Variants in DUS2 observed in about 807,000 individuals in gnomAD.
DUS2 encodes the protein tRNA-dihydrouridine(20) synthase [NAD(P)+]-like.
DUS2 carries 52 observed loss-of-function variants against 71.3 expected under a neutral mutation model. The ratio of observed to expected loss-of-function variants is 0.73; its 90% CI spans 0.58 to 0.92. The LOEUF is 0.92. DUS2 is among the 40% of genes least tolerant of loss of function. DUS2 has a pLI of 0.00. For synonymous variants in DUS2, 204 were observed against 227.8 expected (o/e 0.90, Z 0.94); for missense variants, 558 against 622.6 (o/e 0.90, Z 1.10).
chr16:68,077,138 C>T (rs1357467411), intron 15 of DUS2, among the ~76,000 whole-genome samples: 4 of 151,718 alleles, frequency 2.6e-5, no homozygotes, highest in African/African-American at 9.7e-5. Context: ...CCTGTAATCC[C>T]AGCTACTTGG....
intron 3 of DUS2, among the ~76,000 whole-genome samples, chr16:68,038,351 A>C (rs2033565791): frequency 6.6e-6 from 1 of 152,152 alleles, no homozygotes; most frequent in Non-Finnish European, 1.5e-5. Context: ...GTAGCACAGA[A>C]GCGTTCTGGG....
intron 11 of DUS2, 101 bp downstream of exon 11, chr16:68,070,321 G>T: frequency 1.8e-6 from 2 of 1,118,008 alleles, no homozygotes; most frequent in Non-Finnish European, 2.7e-6. Flanking sequence ...TTTAGGGGTG[G>T]CTTGAAAAGG....
intron 8 of DUS2, among the ~76,000 whole-genome samples, chr16:68,064,081 T>C (rs2033975010): frequency 6.6e-6 from 1 of 152,216 alleles, no homozygotes; most frequent in African/African-American, 2.4e-5. Flanking sequence ...GTCTCAGTGC[T>C]TTCCAGGCCT....
At chr16:68,034,266 T>C (rs1239911908) in intron 2 of DUS2, among the ~76,000 whole-genome samples, 1 of 152,142 alleles carries the variant, frequency 6.6e-6, no homozygotes, top group Non-Finnish European at 1.5e-5. Context: ...GGTCTTGCCA[T>C]GTTACCCAGG....
intron 2 of DUS2, among the ~76,000 whole-genome samples, chr16:68,035,682 C>T (rs1355760809): frequency 6.7e-6 from 1 of 149,284 alleles, no homozygotes; most frequent in African/African-American, 2.5e-5. Flanking sequence ...AGCCACCGTG[C>T]CTGGTCTCTC....
chr16:68,038,250 T>C (rs2151413610), intron 3 of DUS2, 101 bp downstream of exon 3: 1 of 1,515,608 alleles, frequency 6.6e-7, no homozygotes, highest in Non-Finnish European at 8.9e-7. Context: ...AGAATGGGAA[T>C]TGACTTTATA....
chr16:68,052,076 T>C (rs1288071131), intron 4 of DUS2, among the ~76,000 whole-genome samples: 1 of 151,958 alleles, frequency 6.6e-6, no homozygotes, highest in Non-Finnish European at 1.5e-5. Context: ...TTTTTTTTTT[T>C]GTATTTTAGT....
At chr16:68,035,683 C>T (rs914106056) in intron 2 of DUS2, among the ~76,000 whole-genome samples, 1 of 148,618 alleles carries the variant, frequency 6.7e-6, no homozygotes, top group East Asian at 1.9e-4. Flanking sequence ...GCCACCGTGC[C>T]TGGTCTCTCT....
intron 2 of DUS2, among the ~76,000 whole-genome samples, chr16:68,029,695 C>T (rs1432640710): frequency 6.6e-6 from 1 of 152,098 alleles, no homozygotes; most frequent in Non-Finnish European, 1.5e-5. Flanking sequence ...AATCTGCCCA[C>T]CTTGGCCTCC....
intron 13 of DUS2, among the ~76,000 whole-genome samples, chr16:68,074,563 C>T (rs1233368386): frequency 2.0e-5 from 3 of 152,184 alleles, no homozygotes; most frequent in South Asian, 4.1e-4. Context: ...TCAGGTGCAG[C>T]TCTAGCTCAG....
At chr16:68,057,880 C>CAAAA (rs5817628) in intron 7 of DUS2, among the ~76,000 whole-genome samples, 1 of 92,150 alleles carries the variant, frequency 1.1e-5, no homozygotes, top group Admixed American at 1.1e-4. Context: ...AAATCTGTCT[C>CAAAA]AAAAAAAAAA....
intron 3 of DUS2, among the ~76,000 whole-genome samples, chr16:68,048,218 G>A (rs1272171816): frequency 2.0e-5 from 3 of 152,170 alleles, no homozygotes; most frequent in Admixed American, 6.6e-5. Flanking sequence ...GGAGATTTCC[G>A]TAAATACTTG....
At chr16:68,075,965 C>T (rs1202426124) in intron 14 of DUS2, among the ~76,000 whole-genome samples, 5 of 152,140 alleles carry the variant, frequency 3.3e-5, no homozygotes, top group African/African-American at 7.2e-5. Context: ...TGAATGGTGC[C>T]CTCCTCTGGG....
rs370072956 is a variant in DUS2 at position 68,070,129 on chromosome 16, C to T, written c.555-5C>T. On this transcript the variant is annotated splice_region_variant and splice_polypyrimidine_tract_variant and intron_variant, in intron 10 of 16. Coordinates refer to ENST00000565263, the MANE Select transcript of DUS2 (RefSeq NM_017803.5). The stretch of plus-strand genomic sequence containing the variant: ...AGCCCTCAGCCCCATCTTTCTATCT[C>T]CAAGGAAGCGGGAGGAGCGACCTCA... The T allele has an allele frequency of 6.4e-5, 103 of 1,613,906 alleles. No homozygotes were observed. The highest frequency in any genetic ancestry group is 8.3e-5 in the Non-Finnish European group (98 of 1,179,928).
chr16:68,053,703 G>A (rs777878551), intron 5 of DUS2, 48 bp downstream of exon 5: 7 of 1,600,776 alleles, frequency 4.4e-6, no homozygotes, highest in Non-Finnish European at 6.0e-6. Flanking sequence ...ACCATCCCCT[G>A]GGATTTCCCA....
chr16:68,042,623 C>T (rs1489075401), intron 3 of DUS2, among the ~76,000 whole-genome samples: 1 of 152,184 alleles, frequency 6.6e-6, no homozygotes, highest in Non-Finnish European at 1.5e-5. Flanking sequence ...GATCCTCCTA[C>T]TTCAGCCTCC....
chr16:68,044,688 G>A (rs1455815476), intron 3 of DUS2, among the ~76,000 whole-genome samples: 1 of 152,092 alleles, frequency 6.6e-6, no homozygotes. Context: ...ATGAGCCATT[G>A]GGCCGGGTCA....
intron 10 of DUS2, among the ~76,000 whole-genome samples, chr16:68,068,796 C>T (rs1364087596): frequency 4.6e-5 from 6 of 130,178 alleles, no homozygotes; most frequent in Admixed American, 4.3e-4. Flanking sequence ...GATGGGGTTT[C>T]ACCATGTTGG....
At chr16:68,074,970 C>G (rs1284830833) in intron 13 of DUS2, among the ~76,000 whole-genome samples, 1 of 152,194 alleles carries the variant, frequency 6.6e-6, no homozygotes, top group Non-Finnish European at 1.5e-5. Flanking sequence ...TGGGGAACCA[C>G]TTAGTGGTCA....
Sources: allele counts gnomAD v4.1 joint callset (sites outside exome capture counted in the v4.1 genomes callset), GRCh38; gene constraint gnomAD v4.1.1; transcripts MANE v1.5; gene names NCBI Gene and HGNC (gene_info 2026-07-23, HGNC 2026-07-21).